Variants in MLYCD observed in about 807,000 individuals in gnomAD.
The protein encoded by MLYCD is malonyl-CoA decarboxylase, mitochondrial.
MLYCD carries 27 observed loss-of-function variants against 35.8 expected under a neutral mutation model. The ratio of observed to expected loss-of-function variants is 0.75; its 90% CI spans 0.56 to 1.04. The LOEUF is 1.04. Among genes scored for constraint, MLYCD ranks in the 50% least tolerant of loss-of-function variants. The pLI, the probability that MLYCD is intolerant of heterozygous loss-of-function variation, is 0.00. For missense variants in MLYCD, 917 were observed against 665.1 expected (o/e 1.38, Z -4.17); for synonymous variants, 403 against 302.4 (o/e 1.33, Z -3.45).
At position 83,916,046 on chromosome 16, in the gene MLYCD, TGTA is replaced by T. The variant is rs1164506734; in HGVS notation, c.*561_*563del. 12 of 1,000,990 alleles carry T rather than the reference TGTA, an allele frequency of 1.2e-5. No individual in the cohort carries two copies. Among genetic ancestry groups the T allele is most frequent in the Non-Finnish European group, 1.3e-5 (11 of 837,786 alleles). The allele number at this position is 1,000,990 out of a possible 1,614,324, so 62.0% of individuals were successfully genotyped here. On this transcript the variant is annotated 3_prime_UTR_variant, in exon 5 of 5. Coordinates refer to ENST00000262430, the MANE Select transcript of MLYCD (RefSeq NM_012213.3). ...GGTTTGTGATTTTGCACAAGGTGTG[TGTA>T]GTAAGTTAAATTGTTGAACACAAAA...
chr16:83,908,307 C>G lies in MLYCD; in HGVS notation c.798+25C>G, dbSNP rs529321270. On this transcript the variant is annotated intron_variant, in intron 3 of 4. Coordinates refer to ENST00000262430, the MANE Select transcript of MLYCD (RefSeq NM_012213.3). The stretch of plus-strand genomic sequence containing the variant: ...GGTACCTGCGATGGTCAATTCGGGA[C>G]AAGATGGGCACCCCATAGAGCCCCT... 1.4e-5 allele frequency: 22 copies of G among 1,613,072 alleles called. No homozygotes were observed. In the Admixed American group the frequency reaches 3.2e-4, roughly 23 times the overall value.
rs755642223 is a variant in MLYCD, at chr16:83,912,268, C to T, written c.849C>T (p.Ile283=). The T allele has an allele frequency of 6.8e-6, 11 of 1,614,224 alleles. No homozygotes were observed. The highest frequency in any genetic ancestry group is 1.1e-5 in the South Asian group (1 of 91,082). ...CAGAAACAGAAGAGAAGAACAAAAT[C>T]ACTGCTGCGATCTTTTATTCCATCA... is the stretch of plus-strand genomic sequence containing the variant. ...PPSETEEKNK[I]TAAIFYSISL... is the part of the protein sequence containing the mutation. The change falls in exon 4 of 5, where the codon ATC becomes ATT. Residue 283 remains isoleucine, a synonymous_variant. Coordinates refer to ENST00000262430, the MANE Select transcript of MLYCD (RefSeq NM_012213.3).
intron 3 of MLYCD, among the ~76,000 whole-genome samples, chr16:83,910,830 G>A (rs1907150643): frequency 6.6e-6 from 1 of 152,176 alleles, no homozygotes; most frequent in Non-Finnish European, 1.5e-5. Flanking sequence ...TGTCCTTCAT[G>A]TCATGAGCTC....
rs866575585 is a variant in MLYCD at position 83,899,220 on chromosome 16, C to T, written c.76C>T (p.Arg26Trp). 2.5e-6 allele frequency: 3 copies of T among 1,223,990 alleles called. No individual in the cohort carries two copies. The highest frequency in any genetic ancestry group is 3.0e-6 in the Non-Finnish European group (3 of 986,134). The allele number at this position is 1,223,990 out of a possible 1,614,324, so 75.8% of individuals were successfully genotyped here. A position where few individuals can be genotyped will look rare whatever the true frequency, so the allele number is the denominator to read the frequency against. ...LRLPPRPPGPRLASGQAAGAL... is the reference protein window; with the variant it reads ...LRLPPRPPGPWLASGQAAGAL... ...GTTGCCCCCGCGGCCGCCCGGGCCC[C>T]GGCTGGCGAGCGGGCAGGCGGCCGG... Residue 26 changes from arginine to tryptophan, a missense_variant, in exon 1 of 5, where the codon CGG becomes TGG. Physicochemically the swap from Arg to Trp is moderately radical, Grantham distance 101 (BLOSUM62 -3). Coordinates refer to ENST00000262430, the MANE Select transcript of MLYCD (RefSeq NM_012213.3).
Position 83,908,174 on chromosome 16 carries a change from C to T in MLYCD, c.690C>T (p.Arg230=), listed in dbSNP as rs1218299029. The T allele has an allele frequency of 8.1e-6, 13 of 1,614,078 alleles. No homozygotes were observed. Among genetic ancestry groups the T allele is most frequent in the African/African-American group, 1.3e-5 (1 of 74,926 alleles). ...AAAACTGGATGGACATGAAGCGCCG[C>T]GTTGGGCCCTACAGAAGGTGTTACT... ...PVKNWMDMKR[R]VGPYRRCYFF... is the part of the protein sequence containing the mutation. Residue 230 remains arginine (R), a synonymous_variant, in exon 3 of 5, where the codon CGC becomes CGT. Coordinates refer to ENST00000262430, the MANE Select transcript of MLYCD (RefSeq NM_012213.3).
chr16:83,900,783 C>A (rs1458858093), intron 1 of MLYCD, among the ~76,000 whole-genome samples: 1 of 152,046 alleles, frequency 6.6e-6, no homozygotes, highest in African/African-American at 2.4e-5. Context: ...AACTCTAATA[C>A]TGGTTTAATA....
At chr16:83,904,512 C>G (rs1906908748) in intron 1 of MLYCD, among the ~76,000 whole-genome samples, 1 of 152,216 alleles carries the variant, frequency 6.6e-6, no homozygotes, top group Non-Finnish European at 1.5e-5. Flanking sequence ...TCATCCTGCC[C>G]TCTTGCTACT....
intron 3 of MLYCD, chr16:83,911,543 G>GACGATCTACTC: frequency 6.5e-6 from 1 of 154,054 alleles, no homozygotes; most frequent in Admixed American, 6.4e-5. Flanking sequence ...AAACGCTGCC[G>GACGATCTACTC]TGAGAATGAG....
chr16:83,903,481 T>C (rs1486290532), intron 1 of MLYCD, among the ~76,000 whole-genome samples: 1 of 152,202 alleles, frequency 6.6e-6, no homozygotes, highest in Admixed American at 6.5e-5. Context: ...CATGACTTTA[T>C]CCTCCCTTCC....
rs749328699 is a variant in MLYCD at position 83,899,636 on chromosome 16, G to A, written c.492G>A (p.Ala164=). The change falls in exon 1 of 5, where the codon GCG becomes GCA. Residue 164 remains alanine, a synonymous_variant. Transcript: ENST00000262430. ...AGCTGCGGGCCGACCTGCTGGAGGC[G>A]CAGGCCCTCAAGCTGGTGGAGGGGC... The part of the protein sequence containing the change: ...LVQLRADLLE[A]QALKLVEGPD... 2 of 1,555,844 alleles carry A rather than the reference G, an allele frequency of 1.3e-6. No individual in the cohort carries two copies. Among genetic ancestry groups the A allele is most frequent in the South Asian group, 1.2e-5 (1 of 86,174 alleles).
In MLYCD at chr16:83,925,201, C is replaced by G. The variant is rs1419690290; in HGVS notation, c.*9712C>G. ...ACCTGTGTGTTTCCCCTGCATAGCTCAGCAGCAGCTCAGGCTCAGCACGGC... is the reference window on the plus strand; with the variant it reads ...ACCTGTGTGTTTCCCCTGCATAGCTGAGCAGCAGCTCAGGCTCAGCACGGC... On this transcript the variant is annotated 3_prime_UTR_variant, in exon 5 of 5. Coordinates refer to ENST00000262430, the MANE Select transcript of MLYCD (RefSeq NM_012213.3). 6.5e-6 allele frequency: 1 copy of G among 152,840 alleles called. No homozygotes were observed. Among genetic ancestry groups the G allele is most frequent in the Non-Finnish European group, 1.5e-5 (1 of 68,530 alleles). 9.5% of individuals were successfully genotyped at this position (152,840 alleles called of 1,614,324 possible). A position where few individuals can be genotyped will look rare whatever the true frequency, so the allele number is the denominator to read the frequency against.
chr16:83,925,657 C>CCT lies in MLYCD; in HGVS notation c.*10171_*10172dup, dbSNP rs10650439. On this transcript the variant is annotated 3_prime_UTR_variant, in exon 5 of 5. Transcript: ENST00000262430. ...CAAGCCTGCTGTGGCCTGACCCTCC[C>CCT]CTCTGCTTTTCCAGGCCCTCCTGGC... 0.22 allele frequency: 32,920 copies of CCT among 152,518 alleles called. 3,766 individuals are homozygous for CCT. Among genetic ancestry groups the CCT allele is most frequent in the African/African-American group, 0.3 (12,475 of 41,430 alleles). The allele number at this position is 152,518 out of a possible 1,614,324, so 9.4% of individuals were successfully genotyped here.
At chr16:83,906,958 A>C in intron 1 of MLYCD, 29 bp from the exon 2 acceptor site, 2 of 1,581,198 alleles carry the variant, frequency 1.3e-6, no homozygotes, top group Non-Finnish European at 1.7e-6. Context: ...CGCACATTGG[A>C]GGCCTGGGAT....
Position 83,907,234 on chromosome 16 carries a change from A to G in MLYCD, c.641+135A>G, listed in dbSNP as rs1018009970. ...TTCAAGTCTAATAAAATCCAAACAC[A>G]GTATTTGCAAATGCTGCGGCTGTCA... On this transcript the variant is annotated intron_variant, in intron 2 of 4. Transcript: ENST00000262430. The G allele has an allele frequency of 1.9e-5, 15 of 808,298 alleles. No individual in the cohort carries two copies. The African/African-American group carries it at 2.6e-4, about 14-fold the overall frequency. 50.1% of individuals were successfully genotyped at this position (808,298 alleles called of 1,614,324 possible). A position where few individuals can be genotyped will look rare whatever the true frequency, so the allele number is the denominator to read the frequency against.
At chr16:83,908,096 T>C (rs1310257995) in intron 2 of MLYCD, 30 bp from the exon 3 acceptor site, 4 of 1,613,896 alleles carry the variant, frequency 2.5e-6, no homozygotes, top group Non-Finnish European at 8.5e-7. Flanking sequence ...ATTATGCATT[T>C]GTCTTGTCTC....
At chr16:83,912,407 C>T (rs370865057) in intron 4 of MLYCD, 40 bp downstream of exon 4, 21 of 1,613,236 alleles carry the variant, frequency 1.3e-5, no homozygotes, top group Admixed American at 5.0e-5. Flanking sequence ...GCTTGGCTTC[C>T]GTGTGGTCAG....
At position 83,912,157 on chromosome 16, in the gene MLYCD, C is replaced by G. The variant is rs1161846824; in HGVS notation, c.799-61C>G. On this transcript the variant is annotated intron_variant, in intron 3 of 4. Transcript: ENST00000262430. Reference sequence around the variant, plus strand: ...ATTGTCTTCTCGTCCCAGCAACAGGCTTGCCTCGTGGGCTGCAGAGCGGCC... The same window carrying G: ...ATTGTCTTCTCGTCCCAGCAACAGGGTTGCCTCGTGGGCTGCAGAGCGGCC... 6 of 1,609,762 alleles carry G rather than the reference C, an allele frequency of 3.7e-6. No individual in the cohort carries two copies. The South Asian group carries it at 5.5e-5, about 15-fold the overall frequency.
chr16:83,906,966 G>T, intron 1 of MLYCD, 21 bp from the exon 2 acceptor site: 1 of 1,605,008 alleles, frequency 6.2e-7, no homozygotes, highest in South Asian at 1.1e-5. Context: ...GGAGGCCTGG[G>T]ATTTATCTTC....
chr16:83,911,210 C>G (rs1419818273), intron 3 of MLYCD, among the ~76,000 whole-genome samples: 3 of 152,086 alleles, frequency 2.0e-5, no homozygotes, highest in African/African-American at 7.2e-5. Context: ...GATCTCCTGA[C>G]CTCGTGATCT....
Sources: gnomAD v4.1 joint callset for allele counts (sites outside exome capture counted in the v4.1 genomes callset) on GRCh38, gnomAD v4.1.1 for gene constraint, MANE v1.5 for transcripts, NCBI Gene and HGNC (gene_info 2026-07-23, HGNC 2026-07-21) for gene names.